Variants in ANKS1B observed in about 807,000 individuals in gnomAD.
ANKS1B encodes the protein ankyrin repeat and sterile alpha motif domain-containing protein 1B.
ANKS1B carries 36 observed loss-of-function variants against 148.3 expected under a neutral mutation model. The ratio of observed to expected loss-of-function variants is 0.24; its 90% CI spans 0.19 to 0.32. The LOEUF is 0.32. Among genes scored for constraint, ANKS1B ranks in the 10% least tolerant of loss-of-function variants. The pLI is 1.00. For missense variants in ANKS1B, 1,157 were observed against 1,542.6 expected (o/e 0.75, Z 4.19); for synonymous variants, 542 against 560.8 (o/e 0.97, Z 0.47).
At chr12:99,112,231 G>T (rs2060438434) in intron 15 of ANKS1B, among the ~76,000 whole-genome samples, 1 of 152,104 alleles carries the variant, frequency 6.6e-6, no homozygotes, top group Non-Finnish European at 1.5e-5. Flanking sequence ...TCATGCCTGT[G>T]TTAAGAATTC....
intron 12 of ANKS1B, among the ~76,000 whole-genome samples, chr12:99,352,285 T>C (rs1443775346): frequency 1.3e-5 from 2 of 152,040 alleles, no homozygotes; most frequent in African/African-American, 4.8e-5. Flanking sequence ...AAACATTTAA[T>C]AAATACTTGT....
intron 9 of ANKS1B, among the ~76,000 whole-genome samples, chr12:99,565,055 CCATTATCCATAAA>C (rs1367338413): frequency 6.6e-6 from 1 of 152,072 alleles, no homozygotes; most frequent in Non-Finnish European, 1.5e-5. Flanking sequence ...AAAAAATTAA[CCATTATCCATAAA>C]TGATACTCTT....
intron 9 of ANKS1B, among the ~76,000 whole-genome samples, chr12:99,522,504 T>C (rs567448533): frequency 9.2e-5 from 14 of 152,192 alleles, no homozygotes; most frequent in Non-Finnish European, 1.6e-4. Context: ...GAAATCTATA[T>C]AATAAGCGTT....
At chr12:99,378,054 G>A (rs1212739812) in intron 12 of ANKS1B, among the ~76,000 whole-genome samples, 1 of 152,118 alleles carries the variant, frequency 6.6e-6, no homozygotes, top group Admixed American at 6.6e-5. Flanking sequence ...TCCAGGGTGG[G>A]ACTATAAGAT....
chr12:98,944,594 A>T lies in ANKS1B; in HGVS notation c.2778+108563T>A, dbSNP rs1423291673. Among the ~76,000 whole-genome samples, 5 of 152,214 alleles carry T rather than the reference A, an allele frequency of 3.3e-5. No homozygotes were observed. In the East Asian group the frequency reaches 7.7e-4, roughly 23 times the overall value. On this transcript the variant is annotated intron_variant, in intron 17 of 26. Transcript: ENST00000683438. ...TATATATGCATACAAACTAGGAAAT[A>T]TAGTCATTTATATTTATCAGGATTC...
intron 19 of ANKS1B, among the ~76,000 whole-genome samples, chr12:98,818,398 A>G (rs2099159258): frequency 6.6e-6 from 1 of 152,204 alleles, no homozygotes; most frequent in African/African-American, 2.4e-5. Flanking sequence ...GCATTACACA[A>G]TTGTTTATGA....
chr12:99,417,867 T>C (rs910015134), intron 11 of ANKS1B, among the ~76,000 whole-genome samples: 1 of 152,114 alleles, frequency 6.6e-6, no homozygotes, highest in Admixed American at 6.5e-5. Flanking sequence ...AGAAGTCCAA[T>C]GTAACTATCA....
intron 17 of ANKS1B, among the ~76,000 whole-genome samples, chr12:98,973,222 AAAAT>A (rs2099885042): frequency 7.3e-6 from 1 of 136,090 alleles, no homozygotes; most frequent in African/African-American, 3.3e-5. Flanking sequence ...GCAAAAAAAA[AAAAT>A]AATAAAGAAA....
At chr12:98,980,465 C>T (rs1437300923) in intron 17 of ANKS1B, among the ~76,000 whole-genome samples, 1 of 152,226 alleles carries the variant, frequency 6.6e-6, no homozygotes, top group African/African-American at 2.4e-5. Flanking sequence ...CTCGGCCTCC[C>T]GAAGTGCTGG....
downstream of ANKS1B, among the ~76,000 whole-genome samples, chr12:98,740,090 A>ACCCTG (rs2097790657): frequency 6.6e-6 from 1 of 152,026 alleles, no homozygotes; most frequent in South Asian, 2.1e-4. Context: ...GGGAGAAAAG[A>ACCCTG]CCCTGGGCTT....
chr12:99,279,970 C>G (rs188516092), intron 12 of ANKS1B, among the ~76,000 whole-genome samples: 1 of 152,078 alleles, frequency 6.6e-6, no homozygotes, highest in Admixed American at 6.5e-5. Flanking sequence ...CACAACTGCA[C>G]TCCAGCCTAG....
At position 99,984,323 on chromosome 12, in the gene ANKS1B, T is replaced by G; in HGVS notation, c.-86A>C. On this transcript the variant is annotated 5_prime_UTR_variant, in exon 1 of 27. Coordinates refer to ENST00000683438, the MANE Select transcript of ANKS1B (RefSeq NM_001352186.2). ...CCCCACTCCCCAAAATCCAGGGCCC[T>G]CTTCGCCCCACCCTAAAATAATGCA... 9.3e-6 allele frequency: 9 copies of G among 971,964 alleles called. No homozygotes were observed. Among genetic ancestry groups the G allele is most frequent in the Non-Finnish European group, 9.5e-6 (7 of 736,590 alleles). 60.2% of individuals were successfully genotyped at this position (971,964 alleles called of 1,614,324 possible). A position where few individuals can be genotyped will look rare whatever the true frequency, so the allele number is the denominator to read the frequency against.
intron 3 of ANKS1B, among the ~76,000 whole-genome samples, chr12:99,809,058 C>T (rs2067999166): frequency 6.6e-6 from 1 of 152,132 alleles, no homozygotes; most frequent in Non-Finnish European, 1.5e-5. Context: ...TTTGTGTATG[C>T]TCACAAGTGA....
chr12:98,772,501 T>C (rs1048633439), intron 25 of ANKS1B, among the ~76,000 whole-genome samples: 13 of 152,140 alleles, frequency 8.5e-5, no homozygotes, highest in African/African-American at 2.7e-4. Flanking sequence ...CTCACAATCA[T>C]AGCAAAAGGT....
intron 1 of ANKS1B, among the ~76,000 whole-genome samples, chr12:99,826,507 G>C (rs1021073758): frequency 6.6e-6 from 1 of 152,124 alleles, no homozygotes; most frequent in African/African-American, 2.4e-5. Flanking sequence ...TGGGAAACTG[G>C]AAGCAGTAGT....
chr12:98,923,159 T>C (rs2099803703), intron 17 of ANKS1B, among the ~76,000 whole-genome samples: 3 of 152,166 alleles, frequency 2.0e-5, no homozygotes, highest in South Asian at 2.1e-4. Context: ...GTTAGTTCCC[T>C]TGAAAGTGAG....
chr12:98,781,550 G>C (rs912268506), intron 23 of ANKS1B: 6 of 420,202 alleles, frequency 1.4e-5, no homozygotes, highest in African/African-American at 1.2e-4. Flanking sequence ...AATTTCAAGT[G>C]ACTGTTCCTT....
chr12:98,962,355 T>C (rs1188521922), intron 17 of ANKS1B, among the ~76,000 whole-genome samples: 1 of 150,392 alleles, frequency 6.6e-6, no homozygotes, highest in Non-Finnish European at 1.5e-5. Flanking sequence ...TATATGATGA[T>C]AAAGGGGTTA....
At chr12:98,896,195 A>T (rs998794162) in intron 17 of ANKS1B, among the ~76,000 whole-genome samples, 1 of 152,228 alleles carries the variant, frequency 6.6e-6, no homozygotes, top group African/African-American at 2.4e-5. Context: ...CTAATAATCA[A>T]CCCTGTTGTT....
Sources: gnomAD v4.1 joint callset for allele counts (sites outside exome capture counted in the v4.1 genomes callset) on GRCh38, gnomAD v4.1.1 for gene constraint, MANE v1.5 for transcripts, NCBI Gene and HGNC (gene_info 2026-07-23, HGNC 2026-07-21) for gene names.